TMEM51: variants seen among roughly 807,000 people sequenced by gnomAD.
TMEM51 encodes transmembrane protein 51, also known as chromosome 1 open reading frame 72.
TMEM51 carries 8 observed loss-of-function variants against 13.6 expected under a neutral mutation model. The ratio of observed to expected loss-of-function variants is 0.59; its 90% CI spans 0.35 to 1.07. The LOEUF (loss-of-function observed/expected upper bound fraction) is 1.07. Among genes scored for constraint, TMEM51 ranks in the 50% least tolerant of loss-of-function variants. The probability of loss-of-function intolerance (pLI) is 0.02; values close to 1 mark genes in which losing one functional copy is unlikely to be tolerated. For synonymous variants in TMEM51, 147 were observed against 144.4 expected (o/e 1.02, Z -0.13); for missense variants, 279 against 330.7 (o/e 0.84, Z 1.21).
intron 1 of TMEM51, among the ~76,000 whole-genome samples, chr1:15,167,717 A>G (rs1332456221): frequency 1.3e-5 from 2 of 152,168 alleles, no homozygotes; most frequent in Admixed American, 1.3e-4. Context: ...TCAGTGACCT[A>G]TGTTGAAGAC....
intron 1 of TMEM51, among the ~76,000 whole-genome samples, chr1:15,200,996 C>T (rs1644145112): frequency 6.6e-6 from 1 of 152,202 alleles, no homozygotes; most frequent in East Asian, 1.9e-4. Context: ...AGGTGCCTCA[C>T]ACCTGTATAT....
chr1:15,198,678 A>G (rs1170432778), intron 1 of TMEM51, among the ~76,000 whole-genome samples: 5 of 152,180 alleles, frequency 3.3e-5, no homozygotes, highest in Non-Finnish European at 7.3e-5. Flanking sequence ...TCGGCCTCCC[A>G]AAGTGCTGGG....
chr1:15,157,282 C>T (rs1011329069), intron 1 of TMEM51, among the ~76,000 whole-genome samples: 2 of 152,188 alleles, frequency 1.3e-5, no homozygotes, highest in Non-Finnish European at 2.9e-5. Flanking sequence ...TTGGGCGGAG[C>T]AACCTAAAGT....
chr1:15,210,606 C>G (rs1644323570), intron 2 of TMEM51, 44 bp downstream of exon 2: 1 of 152,162 alleles, frequency 6.6e-6, no homozygotes, highest in Non-Finnish European at 1.5e-5. Context: ...TTTAAAAACT[C>G]AGATATAGAA....
intron 2 of TMEM51, among the ~76,000 whole-genome samples, chr1:15,212,593 C>T (rs768588031): frequency 1.3e-5 from 2 of 152,230 alleles, no homozygotes; most frequent in African/African-American, 2.4e-5. Context: ...CTCCACCCTC[C>T]GAGTCTGACC....
At position 15,161,413 on chromosome 1, in the gene TMEM51, A is replaced by G. The variant is rs6673615; in HGVS notation, c.-267+7459A>G. On this transcript the variant is annotated intron_variant, in intron 1 of 3. Transcript: ENST00000376008. This position sits in a 1 kb window ranked among gnomAD's most constrained non-coding sequence, Gnocchi z 4.0. ...CCCAGCTACTCAGGAGGCTGACCAC[A>G]GGAATCGCTTGAACCTGGAAAGCAG... 0.18 allele frequency among the ~76,000 whole-genome samples: 26,708 copies of G among 151,748 alleles called. 2,799 individuals are homozygous for G. Among genetic ancestry groups the G allele is most frequent in the African/African-American group, 0.27 (10,958 of 41,204 alleles).
At chr1:15,193,571 CTTTCTTTTT>C (rs1447685278) in intron 1 of TMEM51, among the ~76,000 whole-genome samples, 54 of 80,634 alleles carry the variant, frequency 6.7e-4, no homozygotes, top group East Asian at 3.6e-4. Flanking sequence ...TCTTTTCTTT[CTTTCTTTTT>C]TTTTTTTTTT....
At chr1:15,158,523 A>G (rs1642662745) in intron 1 of TMEM51, among the ~76,000 whole-genome samples, 1 of 152,136 alleles carries the variant, frequency 6.6e-6, no homozygotes, top group Admixed American at 6.5e-5. Flanking sequence ...TCTCCCTGGG[A>G]TTAGGCATGG....
chr1:15,155,823 G>A (rs1434821504), intron 1 of TMEM51, among the ~76,000 whole-genome samples: 2 of 152,180 alleles, frequency 1.3e-5, no homozygotes, highest in South Asian at 2.1e-4. Flanking sequence ...GCTGTTCTAG[G>A]TGCTCAACAA....
rs145021168 is a variant in TMEM51 at position 15,219,738 on chromosome 1, G to T, written c.757G>T (p.Asp253Tyr). Residue 253 changes from aspartate to tyrosine, a missense_variant, in exon 4 of 4, where the codon GAC becomes TAC. Asp to Tyr is a radical substitution (Grantham distance 160, BLOSUM62 -3). Coordinates refer to ENST00000376008, the MANE Select transcript of TMEM51 (RefSeq NM_001136218.2). ...QEKAPDTRPPD is the reference protein window; with the variant it reads ...QEKAPDTRPPY ...GAAGGCCCCCGACACCCGGCCGCCC[G>T]ACTGAATGGCCCCACTTGAGCCACG... The T allele has an allele frequency of 2.5e-6, 4 of 1,612,348 alleles. No individual in the cohort carries two copies. The highest frequency in any genetic ancestry group is 1.7e-5 in the Admixed American group (1 of 59,900).
In TMEM51 at chr1:15,207,663, G is replaced by A. The variant is rs1032896567; in HGVS notation, c.-266-2827G>A. Among the ~76,000 whole-genome samples, 20 of 152,320 alleles carry A rather than the reference G, an allele frequency of 1.3e-4. No homozygotes were observed. The highest frequency in any genetic ancestry group is 4.6e-4 in the African/African-American group (19 of 41,566). On this transcript the variant is annotated intron_variant, in intron 1 of 3. Coordinates refer to ENST00000376008, the MANE Select transcript of TMEM51 (RefSeq NM_001136218.2). The surrounding 1 kb of genome is among the most constrained non-coding windows in gnomAD (Gnocchi z 4.6). ...TGGTTGGCCAGGGGTGTGCACACGA[G>A]TGGAAAGAGCCTCTGCCCAGCGTGG...
chr1:15,154,499 T>A (rs1367797945), intron 1 of TMEM51, among the ~76,000 whole-genome samples: 2 of 152,194 alleles, frequency 1.3e-5, no homozygotes, highest in Admixed American at 1.3e-4. Context: ...AGTCCTTCCC[T>A]GAGCGCGTCG....
intron 1 of TMEM51, among the ~76,000 whole-genome samples, chr1:15,196,342 A>C (rs10927716): frequency 0.73 from 110,214 of 151,936 alleles, 40,717 homozygotes; most frequent in East Asian, 0.96. Context: ...TATTTACACC[A>C]CAGCGATGGG....
rs902499776 is a variant in TMEM51 at position 15,219,416 on chromosome 1, A to G, written c.435A>G (p.Ala145=). 3 of 1,613,718 alleles carry G rather than the reference A, an allele frequency of 1.9e-6. No homozygotes were observed. The highest frequency in any genetic ancestry group is 1.3e-5 in the African/African-American group (1 of 74,908). ...EEVMNTNYSE[A]RGEEQNPRLS... is the part of the protein sequence containing the mutation. ...TGATGAACACAAACTACTCAGAAGC[A>G]AGGGGAGAGGAGCAGAACCCGAGGT... is the stretch of plus-strand genomic sequence containing the variant. Residue 145 remains alanine (A), a synonymous_variant, in exon 4 of 4, where the codon GCA becomes GCG. Coordinates refer to ENST00000376008, the MANE Select transcript of TMEM51 (RefSeq NM_001136218.2).
intron 1 of TMEM51, among the ~76,000 whole-genome samples, chr1:15,184,936 A>G (rs1643726723): frequency 6.6e-6 from 1 of 152,000 alleles, no homozygotes; most frequent in African/African-American, 2.4e-5. Context: ...ATTGCACAGC[A>G]CAGCACTCCC....
chr1:15,157,646 G>T (rs557212139), intron 1 of TMEM51, among the ~76,000 whole-genome samples: 81 of 152,274 alleles, frequency 5.3e-4, no homozygotes, highest in Non-Finnish European at 9.9e-4. Flanking sequence ...AAGGGCCAAG[G>T]GTCCTGAAAG....
chr1:15,152,778 G>T (rs1642439298), upstream of TMEM51: 1 of 151,544 alleles, frequency 6.6e-6, no homozygotes, highest in African/African-American at 2.4e-5. Flanking sequence ...CGGAGGCAGA[G>T]CCGCGGGTGA....
At chr1:15,167,234 G>C (rs1418519454) in intron 1 of TMEM51, among the ~76,000 whole-genome samples, 3 of 150,662 alleles carry the variant, frequency 2.0e-5, no homozygotes, top group African/African-American at 7.3e-5. Context: ...AGCTGAGGCA[G>C]GAGAATGGCA....
intron 1 of TMEM51, among the ~76,000 whole-genome samples, chr1:15,178,516 G>A (rs944122164): frequency 6.6e-6 from 1 of 152,196 alleles, no homozygotes; most frequent in Admixed American, 6.5e-5. Flanking sequence ...GCAAGGTAGT[G>A]CTTCCGGGGT....
Sources: gnomAD v4.1 joint callset for allele counts (sites outside exome capture counted in the v4.1 genomes callset) on GRCh38, gnomAD v4.1.1 for gene constraint, Gnocchi (gnomAD v3.1) non-coding constraint, MANE v1.5 for transcripts, NCBI Gene and HGNC (gene_info 2026-07-23, HGNC 2026-07-21) for gene names.